The following TSHZ2 variants were observed in gnomAD, a reference collection of about 807,000 sequenced individuals.
TSHZ2 encodes the protein teashirt homolog 2.
A neutral mutation model predicts 74.4 loss-of-function variants in TSHZ2; 21 were observed. The ratio of observed to expected loss-of-function variants is 0.28; its 90% CI spans 0.20 to 0.41. The LOEUF is 0.41. TSHZ2 is among the 10% of genes least tolerant of loss of function. The pLI, the probability that TSHZ2 is intolerant of heterozygous loss-of-function variation, is 1.00. For synonymous variants in TSHZ2, 540 were observed against 515.3 expected (o/e 1.05, Z -0.65); for missense variants, 1,244 against 1,293.5 (o/e 0.96, Z 0.59).
In TSHZ2 at chr20:53,108,170, T is replaced by TA. The variant is rs532577822; in HGVS notation, c.40+134838dup. ...CATCCCAACCACTCATGTTTACTCT[T>TA]ACTCCTGTTGAGAACCACAACTTTA... On this transcript the variant is annotated intron_variant, in intron 1 of 2. Transcript: ENST00000371497. Among the ~76,000 whole-genome samples, 1,346 of 152,362 alleles carry TA rather than the reference T, an allele frequency of 8.8e-3. 11 individuals are homozygous for TA. Among genetic ancestry groups the TA allele is most frequent in the Non-Finnish European group, 0.015 (990 of 68,036 alleles).
At chr20:53,210,959 T>G (rs2123610183) in intron 1 of TSHZ2, among the ~76,000 whole-genome samples, 1 of 152,236 alleles carries the variant, frequency 6.6e-6, no homozygotes, top group East Asian at 1.9e-4. Context: ...AAATATTCCT[T>G]TAGTAATTAA....
intron 1 of TSHZ2, among the ~76,000 whole-genome samples, chr20:52,989,211 T>C (rs1034471775): frequency 6.5e-5 from 8 of 122,488 alleles, no homozygotes; most frequent in African/African-American, 2.3e-4. Flanking sequence ...ATTGGTGATG[T>C]TTTTTTTTAA....
At chr20:53,188,676 C>T (rs1278769721) in intron 1 of TSHZ2, among the ~76,000 whole-genome samples, 1 of 152,158 alleles carries the variant, frequency 6.6e-6, no homozygotes, top group African/African-American at 2.4e-5. Context: ...ATATATATGT[C>T]TAGCTCCATC....
chr20:53,279,200 G>A (rs73274244), intron 2 of TSHZ2, among the ~76,000 whole-genome samples: 12,138 of 152,186 alleles, frequency 0.08, 512 homozygotes, highest in East Asian at 0.12. Context: ...AGGTGGCAGA[G>A]GCAGAAGAAA....
chr20:53,008,128 C>G (rs928718023), intron 1 of TSHZ2, among the ~76,000 whole-genome samples: 1 of 151,772 alleles, frequency 6.6e-6, no homozygotes, highest in Non-Finnish European at 1.5e-5. Flanking sequence ...GAATGAAAGC[C>G]CAGTTTAGAG....
At chr20:53,293,129 C>A (rs1037249725) in intron 2 of TSHZ2, among the ~76,000 whole-genome samples, 11 of 152,198 alleles carry the variant, frequency 7.2e-5, no homozygotes, top group Admixed American at 2.6e-4. Flanking sequence ...TATGAGTTAT[C>A]TTTTAAAATC....
chr20:53,119,495 A>G (rs1986754467), intron 1 of TSHZ2, among the ~76,000 whole-genome samples: 1 of 152,214 alleles, frequency 6.6e-6, no homozygotes, highest in Non-Finnish European at 1.5e-5. Flanking sequence ...GAGAGAGTCC[A>G]GCGCTATGCT....
intron 2 of TSHZ2, among the ~76,000 whole-genome samples, chr20:53,421,947 C>G (rs770162414): frequency 1.3e-5 from 2 of 152,010 alleles, no homozygotes; most frequent in Non-Finnish European, 2.9e-5. Context: ...TCCCAAAGTG[C>G]TGGGATTACA....
intron 2 of TSHZ2, among the ~76,000 whole-genome samples, chr20:53,341,910 C>T (rs937777321): frequency 3.4e-4 from 52 of 152,138 alleles, no homozygotes; most frequent in Non-Finnish European, 1.3e-4. Flanking sequence ...GGGGCTTCAC[C>T]ACGTTGACCA....
At position 53,256,369 on chromosome 20, in the gene TSHZ2, A is replaced by G; in HGVS notation, c.2911A>G (p.Ile971Val). The G allele has an allele frequency of 6.2e-7, 1 of 1,613,276 alleles. No homozygotes were observed. Among genetic ancestry groups the G allele is most frequent in the Non-Finnish European group, 8.5e-7 (1 of 1,179,288 alleles). Residue 971 changes from isoleucine (I) to valine (V), a missense_variant, in exon 2 of 3, where the codon ATC (isoleucine) becomes GTC (valine). Ile to Val is a conservative substitution (Grantham distance 29). Coordinates refer to ENST00000371497, the MANE Select transcript of TSHZ2 (RefSeq NM_173485.6). The surrounding 1 kb of genome is among the most constrained non-coding windows in gnomAD (Gnocchi z 4.3). ...CCAGCAAAGCAAGGTGGAGCAAGAG[A>G]TCTCCCGGGTATCGTCGGCTCAGAG... is the stretch of plus-strand genomic sequence containing the variant. ...VDQQSKVEQEISRVSSAQRSP... is the reference protein window; with the variant it reads ...VDQQSKVEQEVSRVSSAQRSP...
At chr20:53,287,441 G>A (rs1266839291) in intron 2 of TSHZ2, among the ~76,000 whole-genome samples, 1 of 152,188 alleles carries the variant, frequency 6.6e-6, no homozygotes, top group Non-Finnish European at 1.5e-5. Flanking sequence ...TTAGATGTTG[G>A]AGGTTAAAAG....
chr20:53,193,909 G>T (rs190027374), intron 1 of TSHZ2, among the ~76,000 whole-genome samples: 4 of 152,160 alleles, frequency 2.6e-5, no homozygotes, highest in African/African-American at 9.7e-5. Flanking sequence ...CTAGCATTCC[G>T]CATAAAAGAC....
At chr20:53,168,282 G>A (rs1196858594) in intron 1 of TSHZ2, among the ~76,000 whole-genome samples, 2 of 152,122 alleles carry the variant, frequency 1.3e-5, no homozygotes, top group Non-Finnish European at 2.9e-5. Context: ...CCTCACCCCA[G>A]GCTGTGACAG....
chr20:53,391,115 C>CTTTTGTTTTG (rs151236380), intron 2 of TSHZ2, among the ~76,000 whole-genome samples: 29,730 of 147,438 alleles, frequency 0.2, 3,390 homozygotes, highest in Middle Eastern at 0.37. Flanking sequence ...ATATACTACA[C>CTTTTGTTTTG]TTTTGTTTTG....
chr20:53,176,303 T>G (rs1035175670), intron 1 of TSHZ2, among the ~76,000 whole-genome samples: 2 of 152,176 alleles, frequency 1.3e-5, no homozygotes, highest in Admixed American at 1.3e-4. Flanking sequence ...TTCTTTGCCC[T>G]CATCCTTAAA....
At chr20:53,373,898 A>C (rs768515897) in intron 2 of TSHZ2, among the ~76,000 whole-genome samples, 10 of 152,288 alleles carry the variant, frequency 6.6e-5, no homozygotes, top group Non-Finnish European at 1.2e-4. Flanking sequence ...AGACCAGATC[A>C]CCTTGGATTA....
intron 1 of TSHZ2, among the ~76,000 whole-genome samples, chr20:53,101,869 G>T (rs1986228269): frequency 6.6e-6 from 1 of 152,162 alleles, no homozygotes; most frequent in Non-Finnish European, 1.5e-5. Context: ...TGAACCAGAT[G>T]TGTAAATATT....
chr20:53,121,741 T>C (rs71356172), intron 1 of TSHZ2, among the ~76,000 whole-genome samples: 2,028 of 152,234 alleles, frequency 0.013, 19 homozygotes, highest in Non-Finnish European at 0.021. Flanking sequence ...TCCAGCGAGA[T>C]ACAGCCTGAA....
chr20:53,466,614 G>A (rs1334558827), intron 2 of TSHZ2, among the ~76,000 whole-genome samples: 1 of 152,154 alleles, frequency 6.6e-6, no homozygotes, highest in Non-Finnish European at 1.5e-5. Flanking sequence ...ATAAAAATGG[G>A]TACAGGAAAA....
Sources: allele counts gnomAD v4.1 joint callset (sites outside exome capture counted in the v4.1 genomes callset), GRCh38; gene constraint gnomAD v4.1.1; non-coding constraint Gnocchi (gnomAD v3.1); transcripts MANE v1.5; gene names NCBI Gene and HGNC (gene_info 2026-07-23, HGNC 2026-07-21).